NYAP2: variants seen among roughly 807,000 people sequenced by gnomAD.
NYAP2 encodes the protein neuronal tyrosine-phosphorylated phosphoinositide-3-kinase adaptor 2, also known as neuronal tyrosine-phosphorylated phosphoinositide-3-kinase adapter 2.
NYAP2 carries 23 observed loss-of-function variants against 50.4 expected under a neutral mutation model. The ratio of observed to expected loss-of-function variants is 0.46; its 90% CI spans 0.33 to 0.65. The LOEUF (loss-of-function observed/expected upper bound fraction) is 0.65, where lower values mean the gene tolerates loss of function less well. Ranked by LOEUF, NYAP2 falls within the 30% of genes least tolerant of loss-of-function variation. NYAP2 has a pLI of 0.02. For missense variants in NYAP2, 885 were observed against 861.0 expected (o/e 1.03, Z -0.35); for synonymous variants, 394 against 365.2 (o/e 1.08, Z -0.90).
At chr2:225,696,157 CAACTCTGGAG>C in the NYAP2 span, among the ~76,000 whole-genome samples, 1 of 151,856 alleles carries the variant, frequency 6.6e-6, no homozygotes, top group African/African-American at 2.4e-5. Context: ...AGAAAAATAT[CAACTCTGGAG>C]TCAGACAGAC....
At chr2:225,492,884 A>C (rs1690432977) in intron 3 of NYAP2, among the ~76,000 whole-genome samples, 1 of 152,152 alleles carries the variant, frequency 6.6e-6, no homozygotes, top group East Asian at 1.9e-4. Flanking sequence ...CACATTCAAC[A>C]CTGGGAATTA....
At chr2:225,625,816 A>T (rs945587679) in intron 5 of NYAP2, among the ~76,000 whole-genome samples, 1 of 152,190 alleles carries the variant, frequency 6.6e-6, no homozygotes, top group African/African-American at 2.4e-5. Context: ...GGGTTACATT[A>T]TGATCAGATT....
At chr2:225,462,653 A>G (rs1172978644) in intron 3 of NYAP2, among the ~76,000 whole-genome samples, 1 of 152,166 alleles carries the variant, frequency 6.6e-6, no homozygotes, top group African/African-American at 2.4e-5. Context: ...CCACATTGAA[A>G]TCCCTGACTT....
intron 5 of NYAP2, among the ~76,000 whole-genome samples, chr2:225,622,126 A>AGGCTCAAACAATCCTCCCAC (rs1693114782): frequency 6.6e-6 from 1 of 152,080 alleles, no homozygotes; most frequent in Non-Finnish European, 1.5e-5. Flanking sequence ...CGACCTCCCA[A>AGGCTCAAACAATCCTCCCAC]GGCTCAAACA....
chr2:225,648,369 T>A (rs1693671815), intron 6 of NYAP2, among the ~76,000 whole-genome samples: 2 of 140,934 alleles, frequency 1.4e-5, no homozygotes, highest in Admixed American at 1.6e-4. Context: ...TGGAGCCAGG[T>A]CACAGAGGAC....
chr2:225,550,090 A>T (rs1691645809), intron 4 of NYAP2, among the ~76,000 whole-genome samples: 1 of 152,230 alleles, frequency 6.6e-6, no homozygotes, highest in Non-Finnish European at 1.5e-5. Flanking sequence ...CAAGCCAAGA[A>T]AGGAAATGGA....
chr2:225,556,814 T>C (rs887757934), intron 4 of NYAP2, among the ~76,000 whole-genome samples: 1 of 152,190 alleles, frequency 6.6e-6, no homozygotes, highest in African/African-American at 2.4e-5. Context: ...TACTTCCCCA[T>C]TGACCAGCTG....
intron 3 of NYAP2, among the ~76,000 whole-genome samples, chr2:225,424,638 T>C (rs1695260104): frequency 6.6e-6 from 1 of 152,056 alleles, no homozygotes; most frequent in Non-Finnish European, 1.5e-5. Context: ...AAAGTCAATA[T>C]GAAGGTTTTG....
chr2:225,596,620 T>A (rs115765063), intron 5 of NYAP2, among the ~76,000 whole-genome samples: 2,493 of 152,192 alleles, frequency 0.016, 83 homozygotes, highest in African/African-American at 0.057. Context: ...TAATTTTTTT[T>A]AAAAAATAGC....
intron 2 of NYAP2, among the ~76,000 whole-genome samples, chr2:225,403,128 C>T (rs1694890197): frequency 6.6e-6 from 1 of 151,636 alleles, no homozygotes; most frequent in African/African-American, 2.4e-5. Context: ...GTCAAAATTG[C>T]CTTGGGAAAC....
At chr2:225,487,508 C>A (rs569057846) in intron 3 of NYAP2, among the ~76,000 whole-genome samples, 1 of 152,078 alleles carries the variant, frequency 6.6e-6, no homozygotes, top group East Asian at 1.9e-4. Context: ...TATAGGCGCC[C>A]ACCGCCACAC....
chr2:225,455,963 T>A (rs1689731964), intron 3 of NYAP2, among the ~76,000 whole-genome samples: 1 of 152,216 alleles, frequency 6.6e-6, no homozygotes, highest in Non-Finnish European at 1.5e-5. Context: ...CTTAATCAGG[T>A]ATCATGTAAA....
the NYAP2 span, among the ~76,000 whole-genome samples, chr2:225,687,345 GTTTAT>G: frequency 6.6e-6 from 1 of 152,130 alleles, no homozygotes; most frequent in East Asian, 1.9e-4. Context: ...ATACTGCTAT[GTTTAT>G]TTTATAGATT....
chr2:225,398,899 C>A (rs1027133376), upstream of NYAP2, among the ~76,000 whole-genome samples: 2 of 151,952 alleles, frequency 1.3e-5, no homozygotes, highest in African/African-American at 4.8e-5. Context: ...TTTTATTTTT[C>A]CCCAGATACT....
Position 225,602,963 on chromosome 2 carries a change from T to G in NYAP2, c.1618+19928T>G, listed in dbSNP as rs1410390485. On this transcript the variant is annotated intron_variant, in intron 5 of 6. Transcript: ENST00000636099. ...ATGAGATTCCATATGAATTTTAGAA[T>G]GGATGTTTTTATTTCTGCAAAAAAA... Among the ~76,000 whole-genome samples the G allele has an allele frequency of 8.5e-5, 13 of 152,124 alleles. No individual in the cohort carries two copies. The East Asian group carries it at 1.9e-3, about 23-fold the overall frequency.
intron 3 of NYAP2, among the ~76,000 whole-genome samples, chr2:225,453,966 C>T (rs958575229): frequency 4.6e-5 from 7 of 151,752 alleles, no homozygotes; most frequent in East Asian, 1.9e-4. Context: ...TGTGAGTCAC[C>T]GCGCCTGGCC....
intron 4 of NYAP2, among the ~76,000 whole-genome samples, chr2:225,565,838 T>G (rs1380146845): frequency 6.6e-6 from 1 of 152,154 alleles, no homozygotes; most frequent in Non-Finnish European, 1.5e-5. Flanking sequence ...AACTACTAAA[T>G]TGGGATTCAA....
chr2:225,471,835 T>C (rs2106159530), intron 3 of NYAP2, among the ~76,000 whole-genome samples: 1 of 152,334 alleles, frequency 6.6e-6, no homozygotes, highest in Non-Finnish European at 1.5e-5. Flanking sequence ...CATATTCAGC[T>C]ATCTCTCTGT....
intron 3 of NYAP2, among the ~76,000 whole-genome samples, chr2:225,454,494 A>C (rs1689705151): frequency 6.6e-6 from 1 of 152,176 alleles, no homozygotes; most frequent in African/African-American, 2.4e-5. Context: ...TTTAGTAGGC[A>C]GATTAAGGGC....
Sources: allele counts gnomAD v4.1 joint callset (sites outside exome capture counted in the v4.1 genomes callset), GRCh38; gene constraint gnomAD v4.1.1; transcripts MANE v1.5; gene names NCBI Gene and HGNC (gene_info 2026-07-23, HGNC 2026-07-21).